The following PITPNC1 variants were observed in gnomAD, a reference collection of about 807,000 sequenced individuals.
The protein encoded by PITPNC1 is phosphatidylinositol transfer protein cytoplasmic 1.
In PITPNC1, 18 loss-of-function variants were observed where a neutral mutation model predicts 44.7. That is an observed-to-expected ratio of 0.40 (90% confidence interval 0.28 to 0.60). The LOEUF (loss-of-function observed/expected upper bound fraction) is 0.60, where lower values mean the gene tolerates loss of function less well. Ranked by LOEUF, PITPNC1 falls within the 20% of genes least tolerant of loss-of-function variation. PITPNC1 has a pLI of 0.39. For synonymous variants in PITPNC1, 141 were observed against 149.6 expected (o/e 0.94, Z 0.42); for missense variants, 290 against 418.4 (o/e 0.69, Z 2.68).
intron 1 of PITPNC1, among the ~76,000 whole-genome samples, chr17:67,483,868 G>T (rs376909885): frequency 2.0e-5 from 3 of 151,762 alleles, no homozygotes; most frequent in East Asian, 1.9e-4. Flanking sequence ...CAGCACTGTT[G>T]GTTGTCATGC....
rs1384629037 is a variant in PITPNC1 at position 67,426,606 on chromosome 17, T to TG, written c.48+48406dup. On this transcript the variant is annotated intron_variant, in intron 1 of 8. Transcript: ENST00000581322. The stretch of plus-strand genomic sequence containing the variant: ...GGGAACAACACACACCGGGGCCTGT[T>TG]GGAGGGTGGGGGGCGAGGGGAGGGA... Among the ~76,000 whole-genome samples the TG allele has an allele frequency of 2.8e-5, 4 of 142,596 alleles. No homozygotes were observed. In the East Asian group the frequency reaches 6.4e-4, roughly 23 times the overall value. The allele number at this position is 142,596 out of a possible 152,430, so 93.5% of individuals were successfully genotyped here.
intron 1 of PITPNC1, among the ~76,000 whole-genome samples, chr17:67,519,944 A>G (rs2040305185): frequency 6.6e-6 from 1 of 152,240 alleles, no homozygotes; most frequent in African/African-American, 2.4e-5. Context: ...AGTGCCTTGA[A>G]TAACTCTTTC....
At chr17:67,513,357 CTATATCTAT>C (rs2040212993) in intron 1 of PITPNC1, among the ~76,000 whole-genome samples, 2 of 7,500 alleles carry the variant, frequency 2.7e-4, no homozygotes, top group East Asian at 0.021. Context: ...GAGTCTGTAT[CTATATCTAT>C]ATCTATATCT....
chr17:67,551,043 A>G (rs2040755820), intron 2 of PITPNC1, among the ~76,000 whole-genome samples: 1 of 152,174 alleles, frequency 6.6e-6, no homozygotes, highest in African/African-American at 2.4e-5. Flanking sequence ...CCTGGGTGAC[A>G]GAGCGAGACT....
intron 5 of PITPNC1, among the ~76,000 whole-genome samples, chr17:67,610,784 T>C (rs2144292548): frequency 6.6e-6 from 1 of 151,972 alleles, no homozygotes; most frequent in Non-Finnish European, 1.5e-5. Context: ...AGCTGGGCAC[T>C]GGGGCATGCG....
chr17:67,552,395 A>G (rs371764256), intron 3 of PITPNC1, 50 bp downstream of exon 3: 1 of 932,172 alleles, frequency 1.1e-6, no homozygotes, highest in Non-Finnish European at 1.8e-6. Flanking sequence ...GCAAGGACAT[A>G]GCATAGTTGA....
intron 8 of PITPNC1, among the ~76,000 whole-genome samples, chr17:67,680,965 T>C (rs1403855126): frequency 2.0e-5 from 3 of 152,166 alleles, no homozygotes; most frequent in African/African-American, 4.8e-5. Flanking sequence ...GAAATGTTTG[T>C]AGAGGGAAAT....
chr17:67,667,114 G>A (rs951423233), intron 6 of PITPNC1, among the ~76,000 whole-genome samples: 1 of 152,152 alleles, frequency 6.6e-6, no homozygotes, highest in South Asian at 2.1e-4. Context: ...TGTAGACTCC[G>A]CTGTGTGCTG....
intron 2 of PITPNC1, among the ~76,000 whole-genome samples, chr17:67,535,264 G>T (rs1320679841): frequency 6.6e-6 from 1 of 152,246 alleles, no homozygotes; most frequent in Admixed American, 6.5e-5. Context: ...TACAGAGACA[G>T]GTTTCTCAAC....
intron 5 of PITPNC1, among the ~76,000 whole-genome samples, chr17:67,592,162 T>G (rs893747882): frequency 1.3e-5 from 2 of 152,142 alleles, no homozygotes; most frequent in African/African-American, 4.8e-5. Flanking sequence ...TACTAAATAG[T>G]TAAAATGATA....
chr17:67,497,327 C>T (rs529150822), intron 1 of PITPNC1, among the ~76,000 whole-genome samples: 3 of 151,766 alleles, frequency 2.0e-5, no homozygotes, highest in East Asian at 1.9e-4. Context: ...CTCAGCCTCC[C>T]GAGTAGCTGG....
At chr17:67,685,646 C>T (rs12938002) in intron 8 of PITPNC1, among the ~76,000 whole-genome samples, 15,243 of 152,172 alleles carry the variant, frequency 0.1, 1,031 homozygotes, top group Non-Finnish European at 0.14. Context: ...TGAAGTTCCG[C>T]TCTGCCAAGA....
chr17:67,620,893 G>A lies in PITPNC1; in HGVS notation c.367-11250G>A, dbSNP rs543183283. On this transcript the variant is annotated intron_variant, in intron 5 of 8. Transcript: ENST00000581322. ...TTCTAAGACCAAGGTCAGTACGGGA[G>A]TGGATCTGGGGTCATCACTGCCCTA... Among the ~76,000 whole-genome samples the A allele has an allele frequency of 1.7e-4, 26 of 152,310 alleles. No individual in the cohort carries two copies. The South Asian group carries it at 4.8e-3, about 28-fold the overall frequency.
chr17:67,666,294 C>T (rs1246772811), intron 6 of PITPNC1, among the ~76,000 whole-genome samples: 1 of 152,186 alleles, frequency 6.6e-6, no homozygotes, highest in Non-Finnish European at 1.5e-5. Flanking sequence ...CTGTGCCCGG[C>T]CCCTAAGTTA....
In PITPNC1 at chr17:67,676,973, C is replaced by T. The variant is rs958040460; in HGVS notation, c.682+1431C>T. The stretch of plus-strand genomic sequence containing the variant: ...GAATGCCGCTCTCATACCGCAAAAG[C>T]ACTGGCTTGCCACATTGTCATGTAG... On this transcript the variant is annotated intron_variant, in intron 8 of 8. Coordinates refer to ENST00000581322, the MANE Select transcript of PITPNC1 (RefSeq NM_012417.4). The surrounding 1 kb of genome is among the most constrained non-coding windows in gnomAD (Gnocchi z 4.0). 1.3e-5 allele frequency among the ~76,000 whole-genome samples: 2 copies of T among 152,146 alleles called. No individual in the cohort carries two copies. The highest frequency in any genetic ancestry group is 2.1e-4 in the South Asian group (1 of 4,830).
intron 5 of PITPNC1, among the ~76,000 whole-genome samples, chr17:67,626,940 A>G (rs771540624): frequency 6.6e-5 from 10 of 152,140 alleles, no homozygotes; most frequent in Non-Finnish European, 1.3e-4. Flanking sequence ...GCACCTATGA[A>G]CATCTCTTAA....
chr17:67,596,138 A>G (rs895152689), intron 5 of PITPNC1, among the ~76,000 whole-genome samples: 9 of 152,208 alleles, frequency 5.9e-5, no homozygotes, highest in Non-Finnish European at 8.8e-5. Context: ...AAACTAGAGT[A>G]AATTATTGAA....
intron 5 of PITPNC1, among the ~76,000 whole-genome samples, chr17:67,598,159 T>C (rs1366443023): frequency 6.6e-6 from 1 of 151,838 alleles, no homozygotes. Flanking sequence ...GAGTCGGAGG[T>C]TGCAGTGAGC....
At position 67,647,463 on chromosome 17, in the gene PITPNC1, G is replaced by GTTTTTTTT. The variant is rs1567757487; in HGVS notation, c.462+15225_462+15226insTTTTTTTT. ...ACACCATCACACCCAGCTAATTTTG[G>GTTTTTTTT]GTTTTTTTTTTTTTTTTTTTTTTTT... On this transcript the variant is annotated intron_variant, in intron 6 of 8. Transcript: ENST00000581322. Among the ~76,000 whole-genome samples the GTTTTTTTT allele has an allele frequency of 1.7e-3, 156 of 90,592 alleles. 17 individuals carry two copies. The highest frequency in any genetic ancestry group is 7.4e-3 in the African/African-American group (148 of 19,928). 59.4% of individuals were successfully genotyped at this position (90,592 alleles called of 152,430 possible).
Sources: allele counts gnomAD v4.1 joint callset (sites outside exome capture counted in the v4.1 genomes callset), GRCh38; gene constraint gnomAD v4.1.1; non-coding constraint Gnocchi (gnomAD v3.1); transcripts MANE v1.5; gene names NCBI Gene and HGNC (gene_info 2026-07-23, HGNC 2026-07-21).